Variants in KCNT2 observed in about 807,000 individuals in gnomAD.
KCNT2 encodes potassium channel subfamily T member 2.
In KCNT2, 67 loss-of-function variants were observed where a neutral mutation model predicts 153.8. That is an observed-to-expected ratio of 0.44 (90% confidence interval 0.36 to 0.53). The LOEUF is 0.53. Among genes scored for constraint, KCNT2 ranks in the 20% least tolerant of loss-of-function variants. The pLI is 0.00. For synonymous variants in KCNT2, 500 were observed against 458.8 expected, an observed-to-expected ratio of 1.09 and a Z score of -1.15; for missense variants, 975 against 1,354.8, an observed-to-expected ratio of 0.72 and a Z score of 4.40.
rs568086650 is a variant in KCNT2 at position 196,384,776 on chromosome 1, A to T, written c.1295-11528T>A. On this transcript the variant is annotated intron_variant, in intron 13 of 27. Coordinates refer to ENST00000294725, the MANE Select transcript of KCNT2 (RefSeq NM_198503.5). ...ACCATTACTCTGGACAAAATTATTTAAAAAAATAAATAAATACAATAAAAT... is the reference window on the plus strand; with the variant it reads ...ACCATTACTCTGGACAAAATTATTTTAAAAAATAAATAAATACAATAAAAT... 2.3e-4 allele frequency among the ~76,000 whole-genome samples: 35 copies of T among 151,992 alleles called. No homozygotes were observed. The South Asian group carries it at 6.0e-3, about 26-fold the overall frequency.
chr1:196,274,241 A>G (rs930402258), intron 25 of KCNT2, among the ~76,000 whole-genome samples: 1 of 151,644 alleles, frequency 6.6e-6, no homozygotes, highest in African/African-American at 2.4e-5. Flanking sequence ...AAATTTAAAG[A>G]ACAATAGTCT....
intron 1 of KCNT2, among the ~76,000 whole-genome samples, chr1:196,541,613 A>G (rs1408466427): frequency 6.6e-6 from 1 of 152,178 alleles, no homozygotes; most frequent in Non-Finnish European, 1.5e-5. Flanking sequence ...CCCAGAGACT[A>G]AGATATTTAC....
chr1:196,498,333 G>A (rs1455907510), intron 1 of KCNT2, among the ~76,000 whole-genome samples: 1 of 152,044 alleles, frequency 6.6e-6, no homozygotes, highest in Non-Finnish European at 1.5e-5. Flanking sequence ...TCAAACTTTT[G>A]TGGATAGTCT....
chr1:196,499,824 G>A (rs1290918738), intron 1 of KCNT2, among the ~76,000 whole-genome samples: 2 of 151,916 alleles, frequency 1.3e-5, no homozygotes, highest in Non-Finnish European at 2.9e-5. Context: ...TTTTACTTGA[G>A]TAACATAGAT....
chr1:196,585,611 A>G (rs1430159914), intron 1 of KCNT2, among the ~76,000 whole-genome samples: 1 of 151,862 alleles, frequency 6.6e-6, no homozygotes, highest in Non-Finnish European at 1.5e-5. Context: ...AAAAAAAAAC[A>G]TTATAGAGAT....
rs190109877 is a variant in KCNT2 at position 196,520,695 on chromosome 1, G to A, written c.96-28354C>T. 3.7e-3 allele frequency among the ~76,000 whole-genome samples: 556 copies of A among 152,186 alleles called. 3 individuals are homozygous for A. The highest frequency in any genetic ancestry group is 0.013 in the African/African-American group (520 of 41,520). Reference sequence around the variant, plus strand: ...CAAAGCTGACAAAAGCATGCAATGGGGAAAGGACTCCCTATTCAATAAATG... The same window carrying A: ...CAAAGCTGACAAAAGCATGCAATGGAGAAAGGACTCCCTATTCAATAAATG... On this transcript the variant is annotated intron_variant, in intron 1 of 27. Coordinates refer to ENST00000294725, the MANE Select transcript of KCNT2 (RefSeq NM_198503.5).
At chr1:196,250,399 A>C (rs949684701) in intron 26 of KCNT2, among the ~76,000 whole-genome samples, 1 of 152,204 alleles carries the variant, frequency 6.6e-6, no homozygotes, top group Non-Finnish European at 1.5e-5. Flanking sequence ...GAATTTCAAT[A>C]AATGATTCTA....
chr1:196,440,818 C>T (rs1425243045), intron 8 of KCNT2, among the ~76,000 whole-genome samples: 2 of 151,760 alleles, frequency 1.3e-5, no homozygotes, highest in Non-Finnish European at 2.9e-5. Context: ...CATAAGTTTG[C>T]ATTTTGGCAT....
intron 25 of KCNT2, among the ~76,000 whole-genome samples, chr1:196,274,792 C>T (rs557917515): frequency 5.9e-4 from 89 of 151,754 alleles, no homozygotes; most frequent in Admixed American, 2.6e-3. Context: ...TTTTCTGGTT[C>T]CTAGTAAAAT....
chr1:196,386,624 A>G (rs1269656734), intron 13 of KCNT2, among the ~76,000 whole-genome samples: 1 of 152,172 alleles, frequency 6.6e-6, no homozygotes, highest in Non-Finnish European at 1.5e-5. Context: ...AAACCATAAA[A>G]GTACAAATAC....
At chr1:196,365,210 C>A (rs1667938443) in intron 14 of KCNT2, among the ~76,000 whole-genome samples, 1 of 152,028 alleles carries the variant, frequency 6.6e-6, no homozygotes, top group African/African-American at 2.4e-5. Flanking sequence ...CAATTATTTT[C>A]TCTGATACCT....
At chr1:196,529,657 A>G (rs1654687303) in intron 1 of KCNT2, among the ~76,000 whole-genome samples, 1 of 152,140 alleles carries the variant, frequency 6.6e-6, no homozygotes, top group Non-Finnish European at 1.5e-5. Context: ...CTTTAATGGT[A>G]TCTTTGATTC....
chr1:196,356,400 A>T (rs909643795), intron 14 of KCNT2, among the ~76,000 whole-genome samples: 1 of 151,750 alleles, frequency 6.6e-6, no homozygotes, highest in African/African-American at 2.4e-5. Context: ...CTTACATAGT[A>T]TGGATGCATA....
chr1:196,254,836 T>A (rs879944513), intron 26 of KCNT2, among the ~76,000 whole-genome samples: 1 of 151,668 alleles, frequency 6.6e-6, no homozygotes, highest in Admixed American at 6.6e-5. Context: ...TTAGGCAAAT[T>A]ATAATTTCCT....
intron 1 of KCNT2, among the ~76,000 whole-genome samples, chr1:196,499,026 CAG>C (rs1441216095): frequency 6.6e-6 from 1 of 152,196 alleles, no homozygotes; most frequent in East Asian, 1.9e-4. Context: ...TCAAATATGA[CAG>C]ATGTCTTTAT....
intron 25 of KCNT2, among the ~76,000 whole-genome samples, chr1:196,270,782 G>A (rs1288537264): frequency 6.6e-6 from 1 of 151,764 alleles, no homozygotes; most frequent in Non-Finnish European, 1.5e-5. Context: ...TATAAGGTAA[G>A]CCAGTTACTG....
chr1:196,344,556 G>A (rs1665972940), intron 14 of KCNT2, among the ~76,000 whole-genome samples: 1 of 152,130 alleles, frequency 6.6e-6, no homozygotes, highest in African/African-American at 2.4e-5. Flanking sequence ...GGCAAAAACA[G>A]AATCTATCTG....
chr1:196,463,145 C>G (rs1389513457), intron 8 of KCNT2, among the ~76,000 whole-genome samples: 3 of 151,712 alleles, frequency 2.0e-5, no homozygotes, highest in African/African-American at 7.2e-5. Context: ...AGACAGACTA[C>G]CTAGACATTT....
intron 11 of KCNT2, among the ~76,000 whole-genome samples, chr1:196,425,497 A>G (rs1424353330): frequency 6.6e-6 from 1 of 152,014 alleles, no homozygotes; most frequent in East Asian, 1.9e-4. Context: ...TATGTGGGAT[A>G]AAAACAGTAT....
Sources: allele counts gnomAD v4.1 joint callset (sites outside exome capture counted in the v4.1 genomes callset), GRCh38; gene constraint gnomAD v4.1.1; transcripts MANE v1.5; gene names NCBI Gene and HGNC (gene_info 2026-07-23, HGNC 2026-07-21).